Variants in GATAD1 observed in about 807,000 individuals in gnomAD.
The protein encoded by GATAD1 is GATA zinc finger domain-containing protein 1.
A neutral mutation model predicts 26.5 loss-of-function variants in GATAD1; 12 were observed. The ratio of observed to expected loss-of-function variants is 0.45; its 90% CI spans 0.29 to 0.73. The LOEUF (loss-of-function observed/expected upper bound fraction) is 0.73. GATAD1 is among the 30% of genes least tolerant of loss of function. GATAD1 has a pLI of 0.10. For synonymous variants in GATAD1, 129 were observed against 133.1 expected (o/e 0.97, Z 0.21); for missense variants, 266 against 342.1 (o/e 0.78, Z 1.75).
rs920089051 is a variant in GATAD1, at chr7:92,458,808, T to G, written c.*2246T>G. The stretch of plus-strand genomic sequence containing the variant: ...TTCTAAGTGCCAATATTCAAAACTT[T>G]TGGATTAAAATGTATTTTTCACCGT... On this transcript the variant is annotated 3_prime_UTR_variant, in exon 5 of 5. Transcript: ENST00000287957. 2 of 152,240 alleles carry G rather than the reference T, an allele frequency of 1.3e-5. No homozygotes were observed. Among genetic ancestry groups the G allele is most frequent in the African/African-American group, 4.8e-5 (2 of 41,464 alleles). 9.4% of individuals were successfully genotyped at this position (152,240 alleles called of 1,614,324 possible).
At chr7:92,462,857 C>A (rs1054746268), downstream of GATAD1, 7 of 152,248 alleles carry the variant, frequency 4.6e-5, no homozygotes, top group African/African-American at 1.7e-4. Context: ...TCACCAGAAC[C>A]CAAATCTGCT....
In GATAD1 at chr7:92,459,701, A is replaced by G. The variant is rs1267499280; in HGVS notation, c.*3139A>G. 6.6e-6 allele frequency among the ~76,000 whole-genome samples: 1 copy of G among 152,140 alleles called. No homozygotes were observed. Among genetic ancestry groups the G allele is most frequent in the Non-Finnish European group, 1.5e-5 (1 of 68,000 alleles). On this transcript the variant is annotated 3_prime_UTR_variant, in exon 5 of 5. Transcript: ENST00000287957. The stretch of plus-strand genomic sequence containing the variant: ...TCTCTATCCTATTGTCATCACATTT[A>G]AGTTTCTACTTCCATCATCCTCACT...
At chr7:92,476,433 C>T in the GATAD1 span, among the ~76,000 whole-genome samples, 2 of 152,156 alleles carry the variant, frequency 1.3e-5, no homozygotes, top group East Asian at 1.9e-4. Context: ...TCAGTGCTTT[C>T]GGCCTATGCT....
At chr7:92,464,917 C>T (rs1463495101), downstream of GATAD1, among the ~76,000 whole-genome samples, 1 of 152,110 alleles carries the variant, frequency 6.6e-6, no homozygotes, top group Non-Finnish European at 1.5e-5. Flanking sequence ...TTTTGTAAGC[C>T]GAACATTTCT....
chr7:92,458,740 T>G lies in GATAD1; in HGVS notation c.*2178T>G, dbSNP rs1789795666. 1 of 152,238 alleles carries G rather than the reference T, an allele frequency of 6.6e-6. No homozygotes were observed. Among genetic ancestry groups the G allele is most frequent in the Non-Finnish European group, 1.5e-5 (1 of 68,044 alleles). The allele number at this position is 152,238 out of a possible 1,614,324, so 9.4% of individuals were successfully genotyped here. On this transcript the variant is annotated 3_prime_UTR_variant, in exon 5 of 5. Transcript: ENST00000287957. Reference sequence around the variant, plus strand: ...AGGTAGCTACACGTACATAATTATCTCTTTATTCACAAAGGGTATAGTAAA... The same window carrying G: ...AGGTAGCTACACGTACATAATTATCGCTTTATTCACAAAGGGTATAGTAAA...
rs1789829016 is a variant in GATAD1, at chr7:92,459,327, T to TG, written c.*2765_*2766insG. ...ATAAAATGAACACAATGTAAAACAT[T>TG]TATTAAAATGTAGACTTTTAAAAAT... On this transcript the variant is annotated 3_prime_UTR_variant, in exon 5 of 5. Transcript: ENST00000287957. 1 of 152,188 alleles carries TG rather than the reference T, an allele frequency of 6.6e-6. No individual in the cohort carries two copies. Among genetic ancestry groups the TG allele is most frequent in the African/African-American group, 2.4e-5 (1 of 41,452 alleles). The allele number at this position is 152,188 out of a possible 1,614,324, so 9.4% of individuals were successfully genotyped here. A position where few individuals can be genotyped will look rare whatever the true frequency, so the allele number is the denominator to read the frequency against.
At chr7:92,454,352 T>C in intron 3 of GATAD1, 150 bp from the exon 4 acceptor site, 1 of 632,908 alleles carries the variant, frequency 1.6e-6, no homozygotes, top group Non-Finnish European at 2.8e-6. Context: ...ACTTTAGAAT[T>C]GGCACCAAAC....
chr7:92,466,643 CAGA>C, the GATAD1 span, among the ~76,000 whole-genome samples: 2 of 152,184 alleles, frequency 1.3e-5, no homozygotes, highest in Admixed American at 1.3e-4. Context: ...ATCACAAAGA[CAGA>C]AGGAAATTTC....
chr7:92,450,055 G>C (rs1789359326), intron 2 of GATAD1: 1 of 152,162 alleles, frequency 6.6e-6, no homozygotes, highest in South Asian at 2.1e-4. Context: ...GGTATACCGT[G>C]TTCTCAGCAA....
intron 2 of GATAD1, chr7:92,449,410 G>T: frequency 1.0e-6 from 1 of 983,586 alleles, no homozygotes; most frequent in South Asian, 4.7e-5. Context: ...TAAGAAAAGA[G>T]ATTGTTGAAA....
the GATAD1 span, chr7:92,477,780 G>T: frequency 5.5e-6 from 1 of 182,332 alleles, no homozygotes; most frequent in Non-Finnish European, 1.1e-5. Flanking sequence ...ATGGGAGTCA[G>T]CGGCAGGTCT....
chr7:92,481,493 G>A, the GATAD1 span, among the ~76,000 whole-genome samples: 15 of 152,302 alleles, frequency 9.8e-5, 1 homozygote, highest in South Asian at 2.1e-4. Flanking sequence ...GGAAGCTACC[G>A]CATGGAGACA....
intron 1 of GATAD1, 48 bp downstream of exon 1, chr7:92,448,026 G>C (rs1017814287): frequency 2.1e-5 from 25 of 1,193,944 alleles, no homozygotes; most frequent in Non-Finnish European, 2.6e-5. Context: ...CCAGGTGCTA[G>C]GCGGGCGGGG....
the GATAD1 span, chr7:92,470,469 G>A: frequency 1.5e-5 from 9 of 603,970 alleles, no homozygotes; most frequent in Middle Eastern, 1.3e-3. Context: ...AATAGCTAGC[G>A]TTGTCTCCTG....
At chr7:92,451,324 T>C (rs1562818816) in intron 3 of GATAD1, among the ~76,000 whole-genome samples, 1 of 152,238 alleles carries the variant, frequency 6.6e-6, no homozygotes, top group Non-Finnish European at 1.5e-5. Flanking sequence ...GAACATCTGA[T>C]ACCTCAGTGA....
the GATAD1 span, chr7:92,470,781 A>G: frequency 1.7e-5 from 3 of 174,656 alleles, no homozygotes; most frequent in Non-Finnish European, 4.1e-5. Flanking sequence ...GTCAAGCACA[A>G]GGTCATTGGT....
chr7:92,483,249 G>A, the GATAD1 span, among the ~76,000 whole-genome samples: 1 of 152,234 alleles, frequency 6.6e-6, no homozygotes, highest in Non-Finnish European at 1.5e-5. Flanking sequence ...TCCGGCACTT[G>A]AAGCAAGATC....
intron 1 of GATAD1, among the ~76,000 whole-genome samples, chr7:92,448,238 A>G (rs1021948114): frequency 6.6e-6 from 1 of 152,282 alleles, no homozygotes; most frequent in African/African-American, 2.4e-5. Flanking sequence ...ACACAGTCGT[A>G]TACAGTGTCA....
chr7:92,477,203 C>T, the GATAD1 span, among the ~76,000 whole-genome samples: 1 of 152,148 alleles, frequency 6.6e-6, no homozygotes, highest in African/African-American at 2.4e-5. Context: ...ACCAAGTCCC[C>T]AACCCAGAAG....
Sources: gnomAD v4.1 joint callset for allele counts (sites outside exome capture counted in the v4.1 genomes callset) on GRCh38, gnomAD v4.1.1 for gene constraint, MANE v1.5 for transcripts, NCBI Gene and HGNC (gene_info 2026-07-23, HGNC 2026-07-21) for gene names.